The following ZNF214 variants were observed in gnomAD, a reference collection of about 807,000 sequenced individuals.
ZNF214 encodes BWSCR2-associated zinc finger protein 1.
ZNF214 carries 43 observed loss-of-function variants against 53.9 expected under a neutral mutation model. That is an observed-to-expected ratio of 0.80 (90% confidence interval 0.63 to 1.03). ZNF214 has a LOEUF of 1.03. ZNF214 is among the 50% of genes least tolerant of loss of function. The probability of loss-of-function intolerance (pLI) is 0.00; values close to 1 mark genes in which losing one functional copy is unlikely to be tolerated. For synonymous variants in ZNF214, 217 were observed against 229.5 expected, an observed-to-expected ratio of 0.95 and a Z score of 0.49; for missense variants, 724 against 719.1, an observed-to-expected ratio of 1.01 and a Z score of -0.08.
intron 1 of ZNF214, among the ~76,000 whole-genome samples, chr11:7,013,758 A>AG (rs1565000113): frequency 6.6e-6 from 1 of 152,232 alleles, no homozygotes; most frequent in Non-Finnish European, 1.5e-5. Context: ...ACAATAAGTA[A>AG]GGCCATCTTT....
intron 1 of ZNF214, among the ~76,000 whole-genome samples, chr11:7,019,529 G>A (rs987806036): frequency 1.3e-5 from 2 of 152,098 alleles, no homozygotes; most frequent in African/African-American, 4.8e-5. Context: ...CAGGAATACT[G>A]GATTTACTAT....
intron 1 of ZNF214, among the ~76,000 whole-genome samples, chr11:7,007,853 T>C (rs1012236477): frequency 1.9e-5 from 2 of 106,756 alleles, no homozygotes; most frequent in African/African-American, 5.7e-5. Context: ...AGATAGACCA[T>C]GTATTAGTCC....
intron 1 of ZNF214, among the ~76,000 whole-genome samples, chr11:7,018,791 C>T (rs545637909): frequency 6.6e-6 from 1 of 152,066 alleles, no homozygotes; most frequent in Non-Finnish European, 1.5e-5. Flanking sequence ...CGTGAGCCAC[C>T]GCGCCTGGCG....
chr11:7,013,085 G>C (rs756449688), intron 1 of ZNF214, among the ~76,000 whole-genome samples: 7 of 152,114 alleles, frequency 4.6e-5, no homozygotes, highest in Non-Finnish European at 1.0e-4. Flanking sequence ...TTTTCTCCAC[G>C]TGGTCCTTTC....
intron 1 of ZNF214, among the ~76,000 whole-genome samples, chr11:7,017,046 G>T (rs1851786626): frequency 6.6e-6 from 1 of 152,054 alleles, no homozygotes; most frequent in East Asian, 1.9e-4. Context: ...TTCCACACAA[G>T]AATATCTAAT....
intron 1 of ZNF214, among the ~76,000 whole-genome samples, chr11:7,011,872 A>G (rs1319885433): frequency 6.6e-6 from 1 of 152,130 alleles, no homozygotes; most frequent in Non-Finnish European, 1.5e-5. Context: ...TCACACCAGA[A>G]AAAAAACCCT....
At position 7,001,218 on chromosome 11, in the gene ZNF214, G is replaced by A; in HGVS notation, c.465C>T (p.Tyr155=). ...KTTQDYGREI[Y]MSGSHGFQGG... Reference sequence around the variant, plus strand: ...CTTGAAAACCATGTGAACCACTCATGTAGATTTCTCTACCATAGTCTTGAG... The same window carrying A: ...CTTGAAAACCATGTGAACCACTCATATAGATTTCTCTACCATAGTCTTGAG... The change falls in exon 3 of 3, where the codon TAC becomes TAT. Residue 155 remains tyrosine, a synonymous_variant. Coordinates refer to ENST00000278314, the MANE Select transcript of ZNF214 (RefSeq NM_013249.4). 1 of 1,613,270 alleles carries A rather than the reference G, an allele frequency of 6.2e-7. No individual in the cohort carries two copies. The highest frequency in any genetic ancestry group is 8.5e-7 in the Non-Finnish European group (1 of 1,179,552).
In ZNF214 at chr11:7,001,524, T is replaced by G. The variant is rs1011963607; in HGVS notation, c.159A>C (p.Glu53Asp). The G allele has an allele frequency of 2.2e-5, 35 of 1,606,860 alleles. No homozygotes were observed. The highest frequency in any genetic ancestry group is 2.9e-5 in the Non-Finnish European group (34 of 1,175,834). Residue 53 changes from glutamate (E) to aspartate (D), a missense_variant, in exon 3 of 3, where the codon GAA (glutamate) becomes GAC (aspartate). By Grantham distance (45) the Glu-to-Asp change is conservative. Coordinates refer to ENST00000278314, the MANE Select transcript of ZNF214 (RefSeq NM_013249.4). ...ENWNESYKSQEEKFRYLEYEN... is the reference protein window; with the variant it reads ...ENWNESYKSQDEKFRYLEYEN... ...CATATTCTAAGTATCTGAATTTTTC[T>G]TCTTGGGATTTGTAGCTCTCATTCC...
At chr11:7,007,415 C>T (rs548538684) in intron 1 of ZNF214, among the ~76,000 whole-genome samples, 19 of 150,538 alleles carry the variant, frequency 1.3e-4, no homozygotes, top group Middle Eastern at 3.5e-3. Context: ...AACAGATACA[C>T]TAAAAAGAAA....
At chr11:7,017,623 C>T (rs1049206716) in intron 1 of ZNF214, among the ~76,000 whole-genome samples, 1 of 151,876 alleles carries the variant, frequency 6.6e-6, no homozygotes, top group Admixed American at 6.6e-5. Context: ...CCTGTAGTCC[C>T]AGCTATTCGG....
In ZNF214 at chr11:7,000,176, A is replaced by T; in HGVS notation, c.1507T>A (p.Cys503Ser). Residue 503 changes from cysteine to serine, a missense_variant, in exon 3 of 3, where the codon TGT (cysteine) becomes AGT (serine). By Grantham distance (112) the Cys-to-Ser change is moderately radical. Coordinates refer to ENST00000278314, the MANE Select transcript of ZNF214 (RefSeq NM_013249.4). The stretch of plus-strand genomic sequence containing the variant: ...GAACGCTGACTGAATCCCTTGCCAC[A>T]CTCTTCACATTTGTAGGGTTTCTCT... The part of the protein sequence containing the change: ...TGEKPYKCEE[C>S]GKGFSQRSHL... 1 of 1,613,034 alleles carries T rather than the reference A, an allele frequency of 6.2e-7. No individual in the cohort carries two copies. Among genetic ancestry groups the T allele is most frequent in the Non-Finnish European group, 8.5e-7 (1 of 1,179,524 alleles).
chr11:7,009,937 C>T (rs967935408), intron 1 of ZNF214, among the ~76,000 whole-genome samples: 1 of 151,822 alleles, frequency 6.6e-6, no homozygotes, highest in Non-Finnish European at 1.5e-5. Context: ...GACAAAGTAG[C>T]AGAGAAAAAG....
At chr11:7,016,828 AAC>A (rs1478692106) in intron 1 of ZNF214, among the ~76,000 whole-genome samples, 3 of 152,214 alleles carry the variant, frequency 2.0e-5, no homozygotes, top group South Asian at 2.1e-4. Flanking sequence ...TGTTTAAAAT[AAC>A]ACAATTAAGA....
chr11:7,002,622 A>C (rs568711237), intron 2 of ZNF214, 87 bp downstream of exon 2: 13 of 1,356,004 alleles, frequency 9.6e-6, no homozygotes, highest in Admixed American at 2.8e-5. Flanking sequence ...CCAACACCTC[A>C]ATATAACACC....
In ZNF214 at chr11:6,999,285, C is replaced by A. The variant is rs1408687780; in HGVS notation, c.*577G>T. The A allele has an allele frequency of 6.6e-6, 1 of 152,380 alleles. No homozygotes were observed. Among genetic ancestry groups the A allele is most frequent in the Non-Finnish European group, 1.5e-5 (1 of 68,290 alleles). The allele number at this position is 152,380 out of a possible 1,614,324, so 9.4% of individuals were successfully genotyped here. ...GTTTTCTGGTTGACAGAGATAACAA[C>A]TCAGATACACTGTCTCAGACACAAT... On this transcript the variant is annotated 3_prime_UTR_variant, in exon 3 of 3. Coordinates refer to ENST00000278314, the MANE Select transcript of ZNF214 (RefSeq NM_013249.4).
At chr11:7,008,782 A>G (rs1029511478) in intron 1 of ZNF214, among the ~76,000 whole-genome samples, 1 of 152,168 alleles carries the variant, frequency 6.6e-6, no homozygotes, top group Admixed American at 6.5e-5. Flanking sequence ...GCATTTCTAT[A>G]TACCAACAAC....
At chr11:7,016,458 G>T (rs746996792) in intron 1 of ZNF214, among the ~76,000 whole-genome samples, 1 of 152,086 alleles carries the variant, frequency 6.6e-6, no homozygotes, top group African/African-American at 2.4e-5. Flanking sequence ...GAAATCATCA[G>T]AATATTATTC....
At chr11:7,004,071 TAAA>T (rs781391256) in intron 1 of ZNF214, among the ~76,000 whole-genome samples, 56 of 151,918 alleles carry the variant, frequency 3.7e-4, no homozygotes, top group Non-Finnish European at 6.9e-4. Flanking sequence ...ACAATAAAAA[TAAA>T]ACTCAATCTG....
At chr11:7,011,198 A>G (rs1365997629) in intron 1 of ZNF214, among the ~76,000 whole-genome samples, 1 of 152,072 alleles carries the variant, frequency 6.6e-6, no homozygotes, top group Non-Finnish European at 1.5e-5. Flanking sequence ...CTTGGATTCC[A>G]AGACCAGATA....
Sources: gnomAD v4.1 joint callset for allele counts (sites outside exome capture counted in the v4.1 genomes callset) on GRCh38, gnomAD v4.1.1 for gene constraint, MANE v1.5 for transcripts, NCBI Gene and HGNC (gene_info 2026-07-23, HGNC 2026-07-21) for gene names.